Variants in RBFOX2 observed in about 807,000 individuals in gnomAD.
RBFOX2 encodes the protein RNA binding fox-1 homolog 2, also known as RNA binding protein fox-1 homolog 2.
RBFOX2 carries 10 observed loss-of-function variants against 49.1 expected under a neutral mutation model. The observed-to-expected ratio is 0.20, with a 90% confidence interval of 0.13 to 0.35. The LOEUF is 0.35. Among genes scored for constraint, RBFOX2 ranks in the 10% least tolerant of loss-of-function variants. The pLI is 1.00. For synonymous variants in RBFOX2, 183 were observed against 187.4 expected (o/e 0.98, Z 0.19); for missense variants, 323 against 486.9 (o/e 0.66, Z 3.17).
chr22:35,882,613 G>T (rs1472634032), intron 1 of RBFOX2, among the ~76,000 whole-genome samples: 2 of 152,152 alleles, frequency 1.3e-5, no homozygotes, highest in Non-Finnish European at 2.9e-5. Context: ...AGAGGGAAGA[G>T]AATTGCTGGA....
intron 1 of RBFOX2, among the ~76,000 whole-genome samples, chr22:35,812,713 T>C (rs576229597): frequency 2.9e-4 from 44 of 152,312 alleles, no homozygotes; most frequent in African/African-American, 9.6e-4. Flanking sequence ...TGGTAAAAGC[T>C]AAAAGATAGA....
chr22:35,959,855 T>A (rs2056002675), intron 1 of RBFOX2, among the ~76,000 whole-genome samples: 1 of 152,346 alleles, frequency 6.6e-6, no homozygotes, highest in Non-Finnish European at 1.5e-5. Flanking sequence ...AATCCACAGA[T>A]GCTCAAGTCC....
intron 1 of RBFOX2, among the ~76,000 whole-genome samples, chr22:35,885,093 A>G (rs2046399361): frequency 6.6e-6 from 1 of 152,202 alleles, no homozygotes; most frequent in Non-Finnish European, 1.5e-5. Context: ...TTTTCAATGA[A>G]TCCAAGAAAC....
At chr22:35,820,647 T>C (rs750827121) in intron 1 of RBFOX2, among the ~76,000 whole-genome samples, 27 of 152,224 alleles carry the variant, frequency 1.8e-4, no homozygotes, top group Non-Finnish European at 3.4e-4. Context: ...ATTGTCCAGA[T>C]CTAATTCATC....
chr22:35,937,855 C>T (rs2053271581), intron 1 of RBFOX2, among the ~76,000 whole-genome samples: 1 of 152,184 alleles, frequency 6.6e-6, no homozygotes, highest in South Asian at 2.1e-4. Flanking sequence ...TCCCAAAGTA[C>T]TGGGATTACA....
chr22:35,870,748 G>A (rs533096180), intron 1 of RBFOX2, among the ~76,000 whole-genome samples: 3 of 152,242 alleles, frequency 2.0e-5, no homozygotes, highest in Admixed American at 1.3e-4. Context: ...TCTGTTTGGA[G>A]ACAACAAGCA....
At chr22:36,007,728 A>G (rs531178447) in intron 1 of RBFOX2, among the ~76,000 whole-genome samples, 61 of 152,308 alleles carry the variant, frequency 4.0e-4, no homozygotes, top group African/African-American at 1.3e-3. Flanking sequence ...GGCAGAGTCT[A>G]TGCACACACG....
chr22:35,934,991 G>C (rs2052888298), intron 1 of RBFOX2, among the ~76,000 whole-genome samples: 1 of 152,108 alleles, frequency 6.6e-6, no homozygotes, highest in Non-Finnish European at 1.5e-5. Flanking sequence ...CTGGAGCGCA[G>C]TGGCACAATC....
chr22:35,887,628 C>G (rs73413850), intron 1 of RBFOX2, among the ~76,000 whole-genome samples: 11,588 of 152,134 alleles, frequency 0.076, 459 homozygotes, highest in South Asian at 0.085. Flanking sequence ...ATACTGCTTC[C>G]AAACCACTTC....
chr22:36,018,289 A>T (rs966812779), intron 1 of RBFOX2, among the ~76,000 whole-genome samples: 5 of 152,166 alleles, frequency 3.3e-5, no homozygotes, highest in African/African-American at 1.2e-4. Context: ...AGTGTGGGAG[A>T]CATGGGAATA....
At chr22:35,908,494 CT>C (rs2049380374) in intron 1 of RBFOX2, among the ~76,000 whole-genome samples, 1 of 152,076 alleles carries the variant, frequency 6.6e-6, no homozygotes, top group African/African-American at 2.4e-5. Context: ...ATGTAATTTA[CT>C]GAATATTATA....
upstream of RBFOX2, among the ~76,000 whole-genome samples, chr22:35,939,765 A>C (rs2053508169): frequency 6.6e-6 from 1 of 152,176 alleles, no homozygotes; most frequent in Non-Finnish European, 1.5e-5. Flanking sequence ...ACTCATTTCC[A>C]GCTTACTTGA....
intron 1 of RBFOX2, among the ~76,000 whole-genome samples, chr22:35,952,452 C>T (rs1272953467): frequency 1.3e-5 from 2 of 152,180 alleles, no homozygotes; most frequent in Admixed American, 1.3e-4. Context: ...ATGAATAAGG[C>T]CTTTGCCCTC....
chr22:35,795,142 C>G (rs556222175), intron 2 of RBFOX2, among the ~76,000 whole-genome samples: 1 of 152,152 alleles, frequency 6.6e-6, no homozygotes, highest in South Asian at 2.1e-4. Flanking sequence ...TCATAGACAT[C>G]AAAATTTTGG....
At chr22:35,794,860 G>A (rs1948469446) in intron 2 of RBFOX2, among the ~76,000 whole-genome samples, 1 of 152,146 alleles carries the variant, frequency 6.6e-6, no homozygotes, top group Admixed American at 6.5e-5. Context: ...AACGCGCCTA[G>A]CAATTTTTTA....
intron 1 of RBFOX2, among the ~76,000 whole-genome samples, chr22:36,016,912 G>A (rs1366819171): frequency 6.6e-6 from 1 of 152,154 alleles, no homozygotes; most frequent in Non-Finnish European, 1.5e-5. Context: ...TCCCTTCTCA[G>A]AATTCTCTTT....
intron 2 of RBFOX2, among the ~76,000 whole-genome samples, chr22:35,803,976 C>A (rs1164307243): frequency 6.6e-6 from 1 of 152,084 alleles, no homozygotes; most frequent in African/African-American, 2.4e-5. Context: ...GGGAGAACAC[C>A]AAGTATTTTA....
rs1241289281 is a variant in RBFOX2, at chr22:35,754,096, C to CT, written c.887+5791dup. ...TGATGCCTGGCCAAAGTAGGCAAGTCTTTTTTTTTTTTTGAGACGGAGTCT... is the reference window on the plus strand; with the variant it reads ...TGATGCCTGGCCAAAGTAGGCAAGTCTTTTTTTTTTTTTTGAGACGGAGTCT... On this transcript the variant is annotated intron_variant, in intron 9 of 11. Transcript: ENST00000405409. Among the ~76,000 whole-genome samples, 178 of 134,166 alleles carry CT rather than the reference C, an allele frequency of 1.3e-3. No homozygotes were observed. The Middle Eastern group carries it at 0.016, about 12-fold the overall frequency. 88.0% of individuals were successfully genotyped at this position (134,166 alleles called of 152,430 possible).
At chr22:35,978,151 G>A (rs2057289050) in intron 1 of RBFOX2, among the ~76,000 whole-genome samples, 1 of 152,114 alleles carries the variant, frequency 6.6e-6, no homozygotes, top group Non-Finnish European at 1.5e-5. Flanking sequence ...GGGATAAGGG[G>A]AGCCAAGTTT....
Sources: allele counts gnomAD v4.1 joint callset (sites outside exome capture counted in the v4.1 genomes callset), GRCh38; gene constraint gnomAD v4.1.1; transcripts MANE v1.5; gene names NCBI Gene and HGNC (gene_info 2026-07-23, HGNC 2026-07-21).